The following AVIL variants were observed in gnomAD, a reference collection of about 807,000 sequenced individuals.
AVIL encodes advillin.
AVIL carries 78 observed loss-of-function variants against 109.9 expected under a neutral mutation model. That is an observed-to-expected ratio of 0.71 (90% CI 0.59 to 0.86). The LOEUF (loss-of-function observed/expected upper bound fraction) is 0.86, where lower values mean the gene tolerates loss of function less well. Among genes scored for constraint, AVIL ranks in the 40% least tolerant of loss-of-function variants. The pLI is 0.00. For missense variants in AVIL, 892 were observed against 1,016.5 expected (o/e 0.88, Z 1.67); for synonymous variants, 367 against 379.1 (o/e 0.97, Z 0.37).
chr12:57,803,384 G>C lies in AVIL; in HGVS notation c.1825C>G (p.Gln609Glu). The change falls in exon 16 of 20, where the codon CAG becomes GAG. Residue 609 changes from glutamine to glutamate, a missense_variant. Coordinates refer to ENST00000549994, the MANE Select transcript of AVIL (RefSeq NM_006576.4). ...TPYANDKRLQ[Q>E]EILDVQSRLF... Reference sequence around the variant, plus strand: ...CGAGACTGGACATCTAGGATTTCCTGCTGAAGTCTGCAATATAGTCCATTT... The same window carrying C: ...CGAGACTGGACATCTAGGATTTCCTCCTGAAGTCTGCAATATAGTCCATTT... 6.2e-7 allele frequency: 1 copy of C among 1,614,210 alleles called. No individual in the cohort carries two copies. Among genetic ancestry groups the C allele is most frequent in the Non-Finnish European group, 8.5e-7 (1 of 1,180,038 alleles).
intron 14 of AVIL, chr12:57,805,909 C>T (rs1429917191): frequency 1.3e-5 from 2 of 151,350 alleles, no homozygotes; most frequent in African/African-American, 5.2e-5. Flanking sequence ...ACAATCTCGG[C>T]TCACTGCAAC....
At chr12:57,808,992 A>G (rs1955995857) in intron 9 of AVIL, 1 of 180,796 alleles carries the variant, frequency 5.5e-6, no homozygotes, top group African/African-American at 2.4e-5. Flanking sequence ...CTGTGTGCCA[A>G]GAACTGTTCT....
intron 2 of AVIL, chr12:57,815,698 A>C (rs912660481): frequency 4.4e-6 from 6 of 1,377,228 alleles, no homozygotes; most frequent in Non-Finnish European, 5.7e-6. Flanking sequence ...GTTTCCTGCA[A>C]GTGCAGACTC....
chr12:57,802,658 C>A (rs1456027621), intron 16 of AVIL: 12 of 657,578 alleles, frequency 1.8e-5, no homozygotes, highest in Middle Eastern at 2.4e-4. Context: ...AAAAATAACA[C>A]CTTCAGGATG....
rs778662206 is a variant in AVIL, at chr12:57,797,836, A to C, written c.*46T>G. The C allele has an allele frequency of 7.1e-7, 1 of 1,409,522 alleles. No individual in the cohort carries two copies. Among genetic ancestry groups the C allele is most frequent in the African/African-American group, 1.5e-5 (1 of 68,694 alleles). 87.3% of individuals were successfully genotyped at this position (1,409,522 alleles called of 1,614,324 possible). A position where few individuals can be genotyped will look rare whatever the true frequency, so the allele number is the denominator to read the frequency against. ...TAAATTATTTCCTGATATTGGCACTATCTGCTCTTTTCTGTGGCCTTGCAA... is the reference window on the plus strand; with the variant it reads ...TAAATTATTTCCTGATATTGGCACTCTCTGCTCTTTTCTGTGGCCTTGCAA... On this transcript the variant is annotated 3_prime_UTR_variant, in exon 20 of 20. Transcript: ENST00000549994.
chr12:57,808,007 T>C (rs1397751763), intron 11 of AVIL, 187 bp downstream of exon 11: 3 of 801,752 alleles, frequency 3.7e-6, no homozygotes, highest in Non-Finnish European at 6.4e-6. Flanking sequence ...TGATAGCACA[T>C]TTGAGGATGT....
At chr12:57,801,949 A>G (rs774299920) in intron 17 of AVIL, among the ~76,000 whole-genome samples, 20 of 152,220 alleles carry the variant, frequency 1.3e-4, no homozygotes, top group Non-Finnish European at 2.4e-4. Context: ...CACACTGCTT[A>G]TTGCTGACAC....
At chr12:57,802,955 C>T (rs995649465) in intron 16 of AVIL, among the ~76,000 whole-genome samples, 8 of 152,236 alleles carry the variant, frequency 5.3e-5, no homozygotes, top group Middle Eastern at 3.4e-3. Context: ...ATGTGGAGTC[C>T]GTTGCTATTG....
At chr12:57,804,758 A>C (rs916031655) in intron 14 of AVIL, among the ~76,000 whole-genome samples, 2 of 151,940 alleles carry the variant, frequency 1.3e-5, no homozygotes, top group Non-Finnish European at 2.9e-5. Flanking sequence ...GCAGTGAGCC[A>C]AGATCGCGCC....
chr12:57,808,432 G>A lies in AVIL; in HGVS notation c.1056C>T (p.Thr352=), dbSNP rs1456329205. ...TGCTGAACGTTTTCCCCAGGCCCAT[G>A]GTCTGGTCCTTTACTGACCACTTCT... is the stretch of plus-strand genomic sequence containing the variant. ...LFQKWSVKDQ[T]MGLGKTFSIG... is the part of the protein sequence containing the mutation. The change falls in exon 10 of 20, where the codon ACC becomes ACT. Residue 352 remains threonine, a synonymous_variant. Coordinates refer to ENST00000549994, the MANE Select transcript of AVIL (RefSeq NM_006576.4). 1.2e-6 allele frequency: 2 copies of A among 1,614,162 alleles called. No individual in the cohort carries two copies. Among genetic ancestry groups the A allele is most frequent in the Non-Finnish European group, 1.7e-6 (2 of 1,180,024 alleles).
At chr12:57,811,688 A>G (rs1304707626) in intron 4 of AVIL, among the ~76,000 whole-genome samples, 1 of 152,256 alleles carries the variant, frequency 6.6e-6, no homozygotes, top group East Asian at 1.9e-4. Flanking sequence ...CCAGTGGCTC[A>G]GTGTGCTCCT....
rs1956033363 is a variant in AVIL, at chr12:57,811,141, C to T, written c.339-14G>A. On this transcript the variant is annotated splice_polypyrimidine_tract_variant and intron_variant, in intron 4 of 19. Coordinates refer to ENST00000549994, the MANE Select transcript of AVIL (RefSeq NM_006576.4). ...CCCTGCTTGTAGCTAAGGGAACATC[C>T]ATTCAGTTATTTGAGTGCCTGCTAT... 14 of 1,612,896 alleles carry T rather than the reference C, an allele frequency of 8.7e-6. No homozygotes were observed. The highest frequency in any genetic ancestry group is 1.2e-5 in the Non-Finnish European group (14 of 1,179,126).
In AVIL at chr12:57,806,389, GAGTT is replaced by G. The variant is rs1565833072; in HGVS notation, c.1638_1641del (p.Thr547ArgfsTer65). 1 of 1,614,114 alleles carries G rather than the reference GAGTT, an allele frequency of 6.2e-7. No individual in the cohort carries two copies. Among genetic ancestry groups the G allele is most frequent in the Non-Finnish European group, 8.5e-7 (1 of 1,180,016 alleles). ...CCATACCACAGGTAGTGCTCTGCCT[GAGTT>G]CGCAGCAGAAAGACATCATTGGAGT... On this transcript the variant is annotated frameshift_variant, in exon 14 of 20. Transcript: ENST00000549994. LOFTEE classifies it high-confidence loss of function.
chr12:57,809,314 A>C (rs1010321272), intron 9 of AVIL: 1 of 459,548 alleles, frequency 2.2e-6, no homozygotes, highest in Admixed American at 3.6e-5. Context: ...GTGCTTTACA[A>C]ATGATATTTA....
intron 18 of AVIL, 112 bp from the exon 19 acceptor site, chr12:57,800,032 G>T: frequency 1.5e-6 from 2 of 1,367,032 alleles, no homozygotes; most frequent in South Asian, 1.4e-5. Flanking sequence ...TTCACCCTCT[G>T]TAATCATCTT....
chr12:57,803,341 T>A lies in AVIL; in HGVS notation c.1868A>T (p.Asn623Ile), dbSNP rs778889853. The change falls in exon 16 of 20, where the codon AAT becomes ATT. Residue 623 changes from asparagine (N) to isoleucine (I), a missense_variant. Transcript: ENST00000549994. ...AGTGACAACGAATTGGCCGGTCTTA[T>A]TGGAACATTCAAAGAGACGAGACTG... ...DVQSRLFECS[N>I]KTGQFVVTEI... The A allele has an allele frequency of 1.9e-6, 3 of 1,614,180 alleles. No homozygotes were observed. Among genetic ancestry groups the A allele is most frequent in the Admixed American group, 3.3e-5 (2 of 60,026 alleles).
At chr12:57,810,177 C>T (rs1956016553) in intron 7 of AVIL, among the ~76,000 whole-genome samples, 172 bp downstream of exon 7, 1 of 152,162 alleles carries the variant, frequency 6.6e-6, no homozygotes, top group South Asian at 2.1e-4. Flanking sequence ...ACAAGAACTG[C>T]CTCCTTGAGT....
Position 57,807,657 on chromosome 12 carries a change from T to C in AVIL, c.1265A>G (p.Asp422Gly), listed in dbSNP as rs1595167670. 6.2e-7 allele frequency: 1 copy of C among 1,614,008 alleles called. No homozygotes were observed. Among genetic ancestry groups the C allele is most frequent in the Non-Finnish European group, 8.5e-7 (1 of 1,180,018 alleles). Residue 422 changes from aspartate to glycine, a missense_variant, in exon 12 of 20, where the codon GAC becomes GGC. Transcript: ENST00000549994. The part of the protein sequence containing the change: ...YQWYGFFYGG[D>G]CYLVLYTYEV... ...GTATGTGTAGAGGACCAGATAACAGTCTCCCCCATAAAAGAAGCCATACCA... is the reference window on the plus strand; with the variant it reads ...GTATGTGTAGAGGACCAGATAACAGCCTCCCCCATAAAAGAAGCCATACCA...
chr12:57,812,404 G>A (rs547068947), intron 4 of AVIL, among the ~76,000 whole-genome samples: 11 of 151,950 alleles, frequency 7.2e-5, no homozygotes, highest in African/African-American at 1.4e-4. Context: ...GCTGTGTTGC[G>A]GGGCTGGAGG....
Sources: allele counts gnomAD v4.1 joint callset (sites outside exome capture counted in the v4.1 genomes callset), GRCh38; gene constraint gnomAD v4.1.1; transcripts MANE v1.5; gene names NCBI Gene and HGNC (gene_info 2026-07-23, HGNC 2026-07-21).